TTC3: variants seen among roughly 807,000 people sequenced by gnomAD.
TTC3 encodes tetratricopeptide repeat domain 3.
A neutral mutation model predicts 249.6 loss-of-function variants in TTC3; 180 were observed. The observed-to-expected ratio is 0.72, with a 90% CI of 0.64 to 0.82. TTC3 has a LOEUF of 0.82. TTC3 is among the 40% of genes least tolerant of loss of function. The pLI, the probability that TTC3 is intolerant of heterozygous loss-of-function variation, is 0.00. For synonymous variants in TTC3, 717 were observed against 805.0 expected (o/e 0.89, Z 1.85); for missense variants, 2,061 against 2,398.4 (o/e 0.86, Z 2.94).
rs1602047536 is a variant in TTC3 at position 37,180,916 on chromosome 21, G to A, written c.4618-1858G>A. The stretch of plus-strand genomic sequence containing the variant: ...CAAATATTTATTTTAGAACAACACT[G>A]AGGTTTAATAAAAAAGATAAGTTTT... On this transcript the variant is annotated intron_variant, in intron 35 of 45. Coordinates refer to ENST00000355666, the Ensembl canonical transcript of TTC3. Among the ~76,000 whole-genome samples the A allele has an allele frequency of 4.0e-5, 6 of 151,710 alleles. No individual in the cohort carries two copies. In the South Asian group the frequency reaches 1.2e-3, roughly 32 times the overall value.
At chr21:37,188,409 T>C in intron 38 of TTC3, 86 bp from the exon 39 acceptor site, 1 of 924,562 alleles carries the variant, frequency 1.1e-6, no homozygotes. Flanking sequence ...AATGGGAAAG[T>C]GGTTTGAATG....
intron 45 of TTC3, among the ~76,000 whole-genome samples, chr21:37,201,223 C>T (rs544158713): frequency 3.3e-5 from 5 of 152,352 alleles, no homozygotes; most frequent in Admixed American, 2.0e-4. Context: ...AGGCCCAGAG[C>T]GCTCAGGATC....
chr21:37,093,771 T>G (rs1288387295), intron 7 of TTC3, among the ~76,000 whole-genome samples: 1 of 152,112 alleles, frequency 6.6e-6, no homozygotes, highest in Non-Finnish European at 1.5e-5. Flanking sequence ...AAAGGTGAGA[T>G]TAGATTCATA....
In TTC3 at chr21:37,130,682, C is replaced by T. The variant is rs149854914; in HGVS notation, c.1358+1619C>T. Among the ~76,000 whole-genome samples, 18 of 152,260 alleles carry T rather than the reference C, an allele frequency of 1.2e-4. No homozygotes were observed. In the East Asian group the frequency reaches 2.7e-3, roughly 23 times the overall value. On this transcript the variant is annotated intron_variant, in intron 16 of 45. Coordinates refer to ENST00000355666, the Ensembl canonical transcript of TTC3. ...CAGAACACAGAGCTCTTCCATTCTT[C>T]ATTTGCTGTACAGTATTTTGTAATA...
Position 37,198,031 on chromosome 21 carries a change from T to C in TTC3, c.5850+6T>C. The C allele has an allele frequency of 6.3e-7, 1 of 1,588,340 alleles. No homozygotes were observed. The highest frequency in any genetic ancestry group is 8.5e-7 in the Non-Finnish European group (1 of 1,169,652). On this transcript the variant is annotated splice_donor_region_variant and intron_variant, in intron 44 of 45. Coordinates refer to ENST00000355666, the Ensembl canonical transcript of TTC3. Reference sequence around the variant, plus strand: ...AAGATGTCCCTGTGAGGATTGTATGTATAACTGTATAGTTTTGTTTTTTAA... The same window carrying C: ...AAGATGTCCCTGTGAGGATTGTATGCATAACTGTATAGTTTTGTTTTTTAA...
chr21:37,166,482 ATGC>A, exon 33 of TTC3: 1 of 1,614,204 alleles, frequency 6.2e-7, no homozygotes, highest in Non-Finnish European at 8.5e-7. Context: ...AGCACAGGTG[ATGC>A]TCATACAGTC....
chr21:37,179,978 G>A (rs574241282), intron 35 of TTC3, among the ~76,000 whole-genome samples: 1 of 152,360 alleles, frequency 6.6e-6, no homozygotes, highest in African/African-American at 2.4e-5. Context: ...ATTCTGTGAA[G>A]TTTGCTGCTT....
chr21:37,148,492 G>A, intron 22 of TTC3, 54 bp from the exon 23 acceptor site: 2 of 877,974 alleles, frequency 2.3e-6, no homozygotes, highest in Admixed American at 2.7e-5. Context: ...TGTAGTGAGT[G>A]AGTGTGCAGA....
chr21:37,180,352 A>G (rs981549099), intron 35 of TTC3, among the ~76,000 whole-genome samples: 1 of 151,922 alleles, frequency 6.6e-6, no homozygotes, highest in African/African-American at 2.4e-5. Context: ...TTATCTGCTT[A>G]GCATTCTTTT....
chr21:37,098,458 T>C (rs2074162766), intron 10 of TTC3: 1 of 152,510 alleles, frequency 6.6e-6, no homozygotes, highest in African/African-American at 2.4e-5. Context: ...GTACAGAAGC[T>C]AGGTAGTTTG....
At chr21:37,185,646 T>C in intron 36 of TTC3, 60 bp from the exon 37 acceptor site, 1 of 956,438 alleles carries the variant, frequency 1.0e-6, no homozygotes, top group South Asian at 2.0e-5. Flanking sequence ...ATTTACTGTG[T>C]GGGGGTCCTG....
intron 11 of TTC3, among the ~76,000 whole-genome samples, chr21:37,110,521 GAAAC>G (rs942233898): frequency 3.3e-5 from 5 of 152,158 alleles, no homozygotes; most frequent in African/African-American, 7.2e-5. Context: ...AGAATAAAAA[GAAAC>G]AAACAAAGCC....
intron 12 of TTC3, among the ~76,000 whole-genome samples, chr21:37,122,461 T>A (rs996308221): frequency 8.9e-5 from 13 of 145,666 alleles, no homozygotes; most frequent in African/African-American, 2.5e-4. Context: ...ATAATGTTTT[T>A]TATATATATA....
intron 5 of TTC3, among the ~76,000 whole-genome samples, chr21:37,089,783 G>A (rs994370468): frequency 1.3e-5 from 2 of 151,988 alleles, no homozygotes; most frequent in African/African-American, 4.8e-5. Flanking sequence ...CAAAGTGCTG[G>A]GATTACCAGT....
chr21:37,113,068 A>G (rs1028645077), intron 11 of TTC3, among the ~76,000 whole-genome samples: 8 of 152,330 alleles, frequency 5.3e-5, no homozygotes, highest in South Asian at 2.1e-4. Context: ...AGCTATGACA[A>G]ACCCACAGCC....
intron 1 of TTC3, among the ~76,000 whole-genome samples, chr21:37,080,875 A>C (rs1402481137): frequency 6.6e-6 from 1 of 151,602 alleles, no homozygotes; most frequent in Non-Finnish European, 1.5e-5. Context: ...TTTTCTTTTA[A>C]TCTCACCAGA....
intron 15 of TTC3, among the ~76,000 whole-genome samples, chr21:37,128,146 A>G (rs912999683): frequency 2.0e-5 from 3 of 152,208 alleles, no homozygotes; most frequent in Non-Finnish European, 4.4e-5. Flanking sequence ...TTCTGAGGCC[A>G]CCAAAGCCCA....
chr21:37,161,646 A>ACC (rs2080764213), intron 30 of TTC3, among the ~76,000 whole-genome samples: 1 of 152,192 alleles, frequency 6.6e-6, no homozygotes, highest in Non-Finnish European at 1.5e-5. Flanking sequence ...AGTGAGAGAG[A>ACC]GTAGCAAATC....
chr21:37,100,326 G>A (rs1406079347), intron 10 of TTC3, among the ~76,000 whole-genome samples: 1 of 152,148 alleles, frequency 6.6e-6, no homozygotes, highest in East Asian at 1.9e-4. Context: ...AAAACAAAAT[G>A]TAATTAAAAT....
Sources: allele counts gnomAD v4.1 joint callset (sites outside exome capture counted in the v4.1 genomes callset), GRCh38; gene constraint gnomAD v4.1.1; transcripts MANE v1.5; gene names NCBI Gene and HGNC (gene_info 2026-07-23, HGNC 2026-07-21).